The following ERI2 variants were observed in gnomAD, a reference collection of about 807,000 sequenced individuals.
ERI2 encodes ERI1 exoribonuclease family member 2, also known as ERI1 exoribonuclease 2.
In ERI2, 35 loss-of-function variants were observed where a neutral mutation model predicts 46.8. The ratio of observed to expected loss-of-function variants is 0.75; its 90% confidence interval spans 0.57 to 0.99. The LOEUF (loss-of-function observed/expected upper bound fraction) is 0.99. ERI2 is among the 50% of genes least tolerant of loss of function. ERI2 has a pLI of 0.00. For synonymous variants in ERI2, 224 were observed against 271.0 expected (o/e 0.83, Z 1.70); for missense variants, 695 against 796.2 (o/e 0.87, Z 1.53).
rs1022001264 is a variant in ERI2 at position 20,797,634 on chromosome 16, A to G, written c.*90T>C. The G allele has an allele frequency of 1.5e-6, 2 of 1,372,354 alleles. No individual in the cohort carries two copies. The highest frequency in any genetic ancestry group is 9.4e-7 in the Non-Finnish European group (1 of 1,061,624). The allele number at this position is 1,372,354 out of a possible 1,614,324, so 85.0% of individuals were successfully genotyped here. ...TGGTAAATGCAGTAAACATTAATAT[A>G]TAAAATAAAAATAAAATAGTGTAAG... On this transcript the variant is annotated 3_prime_UTR_variant, in exon 9 of 9. Coordinates refer to ENST00000357967, the MANE Select transcript of ERI2 (RefSeq NM_001142725.2).
At chr16:20,806,230 A>G in intron 1 of ERI2, 178 bp downstream of exon 1, 4 of 1,411,806 alleles carry the variant, frequency 2.8e-6, no homozygotes, top group Non-Finnish European at 3.7e-6. Context: ...CCAAGGCTGA[A>G]GACCGAGGTC....
exon 11 of ERI2, chr16:20,780,498 TA>T: frequency 1.1e-6 from 1 of 883,468 alleles, no homozygotes; most frequent in South Asian, 1.8e-5. Context: ...GCAGCTATTA[TA>T]AATGGGCCTT....
intron 10 of ERI2, chr16:20,781,933 C>T (rs924216989): frequency 1.6e-6 from 1 of 630,934 alleles, no homozygotes; most frequent in Non-Finnish European, 2.8e-6. Flanking sequence ...CTCCTTCTTG[C>T]CTGCATTCTG....
Position 20,800,001 on chromosome 16 carries a change from G to A in ERI2, c.599C>T (p.Ala200Val), listed in dbSNP as rs756340413. 9 of 1,605,288 alleles carry A rather than the reference G, an allele frequency of 5.6e-6. No individual in the cohort carries two copies. In the African/African-American group the frequency reaches 1.1e-4, roughly 19 times the overall value. The stretch of plus-strand genomic sequence containing the variant: ...GAATTCTATTCCTACTTCCTGCAAG[G>A]CACCACTTAGTCCTTTTGGTTTTCT... ...YRRKPKGLSG[A>V]LQEVGIEFSG... is the part of the protein sequence containing the mutation. The change falls in exon 7 of 9, where the codon GCC becomes GTC. Residue 200 changes from alanine (A) to valine (V), a missense_variant. Coordinates refer to ENST00000357967, the MANE Select transcript of ERI2 (RefSeq NM_001142725.2).
chr16:20,782,702 C>T lies in ERI2; in HGVS notation c.895-1968G>A, dbSNP rs868114822. Among the ~76,000 whole-genome samples, 11 of 152,198 alleles carry T rather than the reference C, an allele frequency of 7.2e-5. No homozygotes were observed. In the South Asian group the frequency reaches 1.2e-3, roughly 17 times the overall value. On this transcript the variant is annotated intron_variant, in intron 10 of 10. Transcript: ENST00000300005. Reference sequence around the variant, plus strand: ...AATCACAAGTCCAGGCTGTCACCTGCGCATATGACCAAATGGCTACAAATC... The same window carrying T: ...AATCACAAGTCCAGGCTGTCACCTGTGCATATGACCAAATGGCTACAAATC...
At position 20,803,542 on chromosome 16, in the gene ERI2, G is replaced by A. The variant is rs201385712; in HGVS notation, c.92-26C>T. 2.2e-4 allele frequency: 352 copies of A among 1,613,910 alleles called. 1 individual carries two copies. The highest frequency in any genetic ancestry group is 5.0e-4 in the Admixed American group (30 of 60,006). On this transcript the variant is annotated intron_variant, in intron 2 of 8. Coordinates refer to ENST00000357967, the MANE Select transcript of ERI2 (RefSeq NM_001142725.2). ...CTGCAAAAGATCAAGTTGTTCTTATGCTTTACCAGTGCTGAAAATGCAAGG... is the reference window on the plus strand; with the variant it reads ...CTGCAAAAGATCAAGTTGTTCTTATACTTTACCAGTGCTGAAAATGCAAGG...
In ERI2 at chr16:20,801,062, T is replaced by C. The variant is rs182601115; in HGVS notation, c.460+141A>G. ...TAATTTACTTTTCTTGGCTAACATC[T>C]GCTAGGCATTTAAATTTTTTTTCCT... On this transcript the variant is annotated intron_variant, in intron 5 of 8. Transcript: ENST00000357967. 12 of 621,702 alleles carry C rather than the reference T, an allele frequency of 1.9e-5. No homozygotes were observed. In the East Asian group the frequency reaches 3.7e-4, roughly 19 times the overall value. 38.5% of individuals were successfully genotyped at this position (621,702 alleles called of 1,614,324 possible).
chr16:20,798,001 C>G lies in ERI2; in HGVS notation c.1799G>C (p.Gly600Ala). The change falls in exon 9 of 9, where the codon GGT (glycine) becomes GCT (alanine). Residue 600 changes from glycine (G) to alanine (A), a missense_variant. Transcript: ENST00000357967. ...GKMTPPLCKC[G>A]RRSKRLVVSN... Reference sequence around the variant, plus strand: ...AACAACAAGTCTCTTAGATCTCCGACCACACTTGCATAATGGAGGTGTCAT... The same window carrying G: ...AACAACAAGTCTCTTAGATCTCCGAGCACACTTGCATAATGGAGGTGTCAT... 1.9e-6 allele frequency: 3 copies of G among 1,551,926 alleles called. No homozygotes were observed. The highest frequency in any genetic ancestry group is 2.6e-6 in the Non-Finnish European group (3 of 1,146,958).
intron 3 of ERI2, 110 bp from the exon 4 acceptor site, chr16:20,803,033 T>G: frequency 8.4e-7 from 1 of 1,184,136 alleles, no homozygotes; most frequent in Non-Finnish European, 1.1e-6. Flanking sequence ...CAGTTTTCAG[T>G]AAAAGCATAC....
rs2080767333 is a variant in ERI2, at chr16:20,799,051, T to G, written c.749A>C (p.Asn250Thr). The G allele has an allele frequency of 4.6e-6, 7 of 1,509,922 alleles. No individual in the cohort carries two copies. Among genetic ancestry groups the G allele is most frequent in the Non-Finnish European group, 6.2e-6 (7 of 1,133,180 alleles). The allele number at this position is 1,509,922 out of a possible 1,614,324, so 93.5% of individuals were successfully genotyped here. A position where few individuals can be genotyped will look rare whatever the true frequency, so the allele number is the denominator to read the frequency against. Residue 250 changes from asparagine to threonine, a missense_variant, in exon 9 of 9, where the codon AAT (asparagine) becomes ACT (threonine). Transcript: ENST00000357967. ...CAAATTTCTGGCCAGAATGCTGAAA[T>G]TCTTCTTAGTGGGAACCTATGATTC... is the stretch of plus-strand genomic sequence containing the variant. ...RSLNKVPTKK[N>T]FSILARNLNT...
At chr16:20,801,877 G>C (rs2080799490) in intron 4 of ERI2, among the ~76,000 whole-genome samples, 1 of 152,010 alleles carries the variant, frequency 6.6e-6, no homozygotes, top group Non-Finnish European at 1.5e-5. Context: ...TCCTGCCTCA[G>C]CCTCCCAAGT....
chr16:20,794,556 T>C (rs1367198281), downstream of ERI2, among the ~76,000 whole-genome samples: 1 of 152,236 alleles, frequency 6.6e-6, no homozygotes, highest in Non-Finnish European at 1.5e-5. Flanking sequence ...GGCACAGCCA[T>C]AGACTTTTCT....
At chr16:20,788,487 T>C (rs2080523149) in intron 10 of ERI2, among the ~76,000 whole-genome samples, 1 of 152,174 alleles carries the variant, frequency 6.6e-6, no homozygotes, top group Non-Finnish European at 1.5e-5. Flanking sequence ...GTACTTTTTC[T>C]GCATCCCCAG....
At chr16:20,789,342 A>C (rs1386337810) in intron 10 of ERI2, 1 of 680,698 alleles carries the variant, frequency 1.5e-6, no homozygotes, top group Non-Finnish European at 2.6e-6. Context: ...GAATAGGTAC[A>C]TGTCAAGTAC....
chr16:20,784,900 A>T, intron 10 of ERI2: 2 of 1,466,448 alleles, frequency 1.4e-6, no homozygotes, highest in Non-Finnish European at 1.8e-6. Context: ...AACATTTTAT[A>T]TTGAAGTTCA....
chr16:20,781,600 A>G, intron 10 of ERI2: 1 of 866,466 alleles, frequency 1.2e-6, no homozygotes, highest in Non-Finnish European at 1.9e-6. Flanking sequence ...GTAAGAATGT[A>G]TTTACATTAA....
rs2080333559 is a variant in ERI2, at chr16:20,780,735, C to G, written c.895-1G>C. On this transcript the variant is annotated splice_acceptor_variant, in intron 10 of 10. Transcript: ENST00000300005. LOFTEE classifies it high-confidence loss of function. Reference sequence around the variant, plus strand: ...GCAGACATGCCAGTGACAGCCACACCTGTGTGAAGACAAAACACAATGAGA... The same window carrying G: ...GCAGACATGCCAGTGACAGCCACACGTGTGTGAAGACAAAACACAATGAGA... The G allele has an allele frequency of 1.9e-6, 3 of 1,614,038 alleles. No individual in the cohort carries two copies. The highest frequency in any genetic ancestry group is 1.7e-5 in the Admixed American group (1 of 59,994).
downstream of ERI2, chr16:20,792,445 T>G (rs755474030): frequency 1.1e-4 from 168 of 1,551,080 alleles, no homozygotes; most frequent in Non-Finnish European, 1.4e-4. Context: ...TTACTAAATA[T>G]GCAAGTCAGA....
Position 20,798,021 on chromosome 16 carries a change from T to C in ERI2, c.1779A>G (p.Thr593=). The part of the protein sequence containing the change: ...LQEPWKSGKM[T]PPLCKCGRRS... ...TCCGACCACACTTGCATAATGGAGGTGTCATTTTCCCACTCTTCCATGGCT... is the reference window on the plus strand; with the variant it reads ...TCCGACCACACTTGCATAATGGAGGCGTCATTTTCCCACTCTTCCATGGCT... Residue 593 remains threonine, a synonymous_variant, in exon 9 of 9, where the codon ACA becomes ACG. Transcript: ENST00000357967. 6.4e-7 allele frequency: 1 copy of C among 1,551,842 alleles called. No homozygotes were observed. The highest frequency in any genetic ancestry group is 8.7e-7 in the Non-Finnish European group (1 of 1,146,968).
Sources: gnomAD v4.1 joint callset for allele counts (sites outside exome capture counted in the v4.1 genomes callset) on GRCh38, gnomAD v4.1.1 for gene constraint, MANE v1.5 for transcripts, NCBI Gene and HGNC (gene_info 2026-07-23, HGNC 2026-07-21) for gene names.